The following ADAM7 variants were observed in gnomAD, a reference collection of about 807,000 sequenced individuals.
ADAM7 encodes the protein disintegrin and metalloproteinase domain-containing protein 7.
Under a neutral mutation model 102.9 loss-of-function variants are expected in ADAM7, and 97 were observed. The ratio of observed to expected loss-of-function variants is 0.94; its 90% confidence interval spans 0.80 to 1.12. The LOEUF (loss-of-function observed/expected upper bound fraction) is 1.12, where lower values mean the gene tolerates loss of function less well. Ranked by LOEUF, ADAM7 falls within the 50% of genes most tolerant of loss-of-function variation. The pLI is 0.00. For synonymous variants in ADAM7, 334 were observed against 304.4 expected, an observed-to-expected ratio of 1.10 and a Z score of -1.01; for missense variants, 991 against 908.7, an observed-to-expected ratio of 1.09 and a Z score of -1.16.
chr8:24,507,378 T>A, intron 20 of ADAM7, 102 bp from the exon 21 acceptor site: 2 of 877,088 alleles, frequency 2.3e-6, no homozygotes, highest in South Asian at 3.0e-5. Context: ...CCTGCGTGTG[T>A]ATGTGCTCAT....
At chr8:24,444,250 A>G (rs1340800665) in intron 2 of ADAM7, among the ~76,000 whole-genome samples, 1 of 150,262 alleles carries the variant, frequency 6.7e-6, no homozygotes, top group Non-Finnish European at 1.5e-5. Context: ...TAAATAAATG[A>G]CTGAATAAAT....
intron 18 of ADAM7, 34 bp from the exon 19 acceptor site, chr8:24,500,756 C>T (rs1210537071): frequency 2.6e-6 from 4 of 1,544,360 alleles, no homozygotes; most frequent in Non-Finnish European, 2.7e-6. Context: ...ACAACTGATA[C>T]CCTCGATGAA....
chr8:24,502,675 G>T (rs1732433947), intron 20 of ADAM7, among the ~76,000 whole-genome samples: 1 of 152,012 alleles, frequency 6.6e-6, no homozygotes, highest in Non-Finnish European at 1.5e-5. Context: ...CATTACTAAA[G>T]CTTACTCATG....
At chr8:24,459,875 G>C (rs939952654) in intron 3 of ADAM7, among the ~76,000 whole-genome samples, 1 of 151,894 alleles carries the variant, frequency 6.6e-6, no homozygotes, top group African/African-American at 2.4e-5. Flanking sequence ...ATTTTTCTCT[G>C]GTTATAGAAA....
At chr8:24,504,068 A>AAAATAAAATG (rs1563399516) in intron 20 of ADAM7, among the ~76,000 whole-genome samples, 7 of 145,986 alleles carry the variant, frequency 4.8e-5, no homozygotes, top group African/African-American at 1.5e-4. Flanking sequence ...TAAAATAAAT[A>AAAATAAAATG]AAATAAAAAA....
At chr8:24,450,054 C>T (rs538203170) in intron 3 of ADAM7, among the ~76,000 whole-genome samples, 1 of 152,182 alleles carries the variant, frequency 6.6e-6, no homozygotes, top group Non-Finnish European at 1.5e-5. Flanking sequence ...TTACTGTAGC[C>T]TTGTAGTGTA....
At chr8:24,500,713 C>T (rs1820729367) in intron 18 of ADAM7, 77 bp from the exon 19 acceptor site, 2 of 1,161,436 alleles carry the variant, frequency 1.7e-6, no homozygotes, top group African/African-American at 1.5e-5. Context: ...AGCATTGTAA[C>T]AGCTCCATTA....
intron 12 of ADAM7, 86 bp downstream of exon 12, chr8:24,489,419 C>A: frequency 7.9e-7 from 1 of 1,266,860 alleles, no homozygotes; most frequent in Non-Finnish European, 1.1e-6. Flanking sequence ...ATCAAACCAA[C>A]CGTGGTGTTC....
intron 6 of ADAM7, 111 bp downstream of exon 6, chr8:24,467,099 T>C (rs1287476885): frequency 1.9e-6 from 2 of 1,054,436 alleles, no homozygotes; most frequent in Non-Finnish European, 2.7e-6. Flanking sequence ...CTACTTTCAG[T>C]CTGGCACTTC....
chr8:24,473,368 C>A (rs1278507853), intron 7 of ADAM7, among the ~76,000 whole-genome samples: 1 of 152,110 alleles, frequency 6.6e-6, no homozygotes, highest in Non-Finnish European at 1.5e-5. Context: ...TGGCCTCAGT[C>A]ATTTGCCTGG....
chr8:24,471,504 T>A (rs1819602086), intron 7 of ADAM7, among the ~76,000 whole-genome samples: 1 of 151,720 alleles, frequency 6.6e-6, no homozygotes, highest in South Asian at 2.1e-4. Context: ...TTTATTGTAC[T>A]TTTTCTATGT....
chr8:24,473,019 C>G (rs1819657514), intron 7 of ADAM7, among the ~76,000 whole-genome samples: 1 of 151,934 alleles, frequency 6.6e-6, no homozygotes, highest in East Asian at 1.9e-4. Flanking sequence ...CAATAGGAAA[C>G]CCCAAAAAGA....
In ADAM7 at chr8:24,467,850, A is replaced by T. The variant is rs189901425; in HGVS notation, c.579+862A>T. Among the ~76,000 whole-genome samples the T allele has an allele frequency of 1.7e-3, 259 of 152,168 alleles. 1 individual carries two copies. Among genetic ancestry groups the T allele is most frequent in the African/African-American group, 6.0e-3 (247 of 41,512 alleles). On this transcript the variant is annotated intron_variant, in intron 6 of 21. Transcript: ENST00000175238. ...GAGGCTGAGGCGGGCCGATCATCTG[A>T]GGTCAGAATTCGAGACCAGCCTGAC...
In ADAM7 at chr8:24,478,344, G is replaced by C. The variant is rs190572957; in HGVS notation, c.705+1840G>C. On this transcript the variant is annotated intron_variant, in intron 8 of 21. Transcript: ENST00000175238. ...CACAACATGGCAGGTTTCTTCTTTG[G>C]GCCAGCAGGAGAAATGCTGCTGCTT... Among the ~76,000 whole-genome samples, 653 of 152,112 alleles carry C rather than the reference G, an allele frequency of 4.3e-3. 3 individuals carry two copies. The highest frequency in any genetic ancestry group is 6.2e-3 in the Non-Finnish European group (423 of 67,990).
chr8:24,493,290 T>A, intron 16 of ADAM7, 61 bp downstream of exon 16: 4 of 1,409,616 alleles, frequency 2.8e-6, no homozygotes, highest in Non-Finnish European at 3.8e-6. Flanking sequence ...AAAACATTAC[T>A]GGATACTGTA....
chr8:24,447,434 T>TTA (rs1347353027), intron 3 of ADAM7, among the ~76,000 whole-genome samples, 172 bp downstream of exon 3: 1 of 152,242 alleles, frequency 6.6e-6, no homozygotes, highest in South Asian at 2.1e-4. Flanking sequence ...CTCAAAAGCT[T>TTA]AAAGACAATC....
intron 9 of ADAM7, among the ~76,000 whole-genome samples, chr8:24,482,822 G>GA (rs1313552880): frequency 1.3e-5 from 2 of 152,128 alleles, no homozygotes; most frequent in Non-Finnish European, 2.9e-5. Context: ...TACTAGAAAA[G>GA]AAAAAATCTG....
intron 10 of ADAM7, 68 bp downstream of exon 10, chr8:24,485,429 A>G: frequency 2.1e-6 from 3 of 1,414,088 alleles, no homozygotes; most frequent in Non-Finnish European, 2.9e-6. Context: ...CCTGGGTTCC[A>G]TGGAAAGAGA....
intron 2 of ADAM7, among the ~76,000 whole-genome samples, chr8:24,446,724 C>G (rs1024705746): frequency 2.8e-4 from 43 of 151,800 alleles, no homozygotes; most frequent in African/African-American, 1.0e-3. Flanking sequence ...AATGCGTGAA[C>G]AGGATATCTG....
Sources: gnomAD v4.1 joint callset for allele counts (sites outside exome capture counted in the v4.1 genomes callset) on GRCh38, gnomAD v4.1.1 for gene constraint, MANE v1.5 for transcripts, NCBI Gene and HGNC (gene_info 2026-07-23, HGNC 2026-07-21) for gene names.